The following KCNMA1 variants were observed in gnomAD, a reference collection of about 807,000 sequenced individuals.
The protein encoded by KCNMA1 is Calcium-activated potassium channel subunit alpha-1.
In KCNMA1, 29 loss-of-function variants were observed where a neutral mutation model predicts 140.0. The ratio of observed to expected loss-of-function variants is 0.21; its 90% confidence interval spans 0.15 to 0.28. The LOEUF is 0.28. KCNMA1 is among the 10% of genes least tolerant of loss of function. The pLI is 1.00. For synonymous variants in KCNMA1, 612 were observed against 611.9 expected (o/e 1.00, Z 0.00); for missense variants, 880 against 1,602.2 (o/e 0.55, Z 7.70).
chr10:77,003,318 TAAAAAATA>T (rs2087143125), intron 18 of KCNMA1, among the ~76,000 whole-genome samples: 1 of 149,976 alleles, frequency 6.7e-6, no homozygotes, highest in Non-Finnish European at 1.5e-5. Flanking sequence ...CAAAAAAAAA[TAAAAAATA>T]AAAAAGTTCC....
At chr10:77,049,100 A>AG (rs2095255054) in intron 14 of KCNMA1, among the ~76,000 whole-genome samples, 1 of 152,206 alleles carries the variant, frequency 6.6e-6, no homozygotes, top group African/African-American at 2.4e-5. Context: ...CTTTATTTCA[A>AG]GGAGCAGCTT....
intron 1 of KCNMA1, among the ~76,000 whole-genome samples, chr10:77,576,239 G>A (rs2074038181): frequency 6.6e-6 from 1 of 152,166 alleles, no homozygotes; most frequent in South Asian, 2.1e-4. Flanking sequence ...CAGGTCTAGG[G>A]CCAGGCAACT....
chr10:77,190,545 C>T (rs993147597), intron 3 of KCNMA1, among the ~76,000 whole-genome samples: 2 of 152,122 alleles, frequency 1.3e-5, no homozygotes, highest in Admixed American at 6.5e-5. Context: ...TACAGAGCCT[C>T]GCCTGGGGCT....
At chr10:77,344,483 T>C (rs750610764) in intron 2 of KCNMA1, among the ~76,000 whole-genome samples, 10 of 152,204 alleles carry the variant, frequency 6.6e-5, no homozygotes, top group Non-Finnish European at 1.3e-4. Flanking sequence ...AATAATTATC[T>C]TGAAGCTTAT....
chr10:77,116,886 A>C (rs1332159683), intron 6 of KCNMA1, among the ~76,000 whole-genome samples: 1 of 152,144 alleles, frequency 6.6e-6, no homozygotes, highest in Non-Finnish European at 1.5e-5. Flanking sequence ...TCCTCTCCTG[A>C]TTAAAATCCT....
chr10:77,216,577 C>G (rs1362396842), intron 3 of KCNMA1, among the ~76,000 whole-genome samples: 4 of 151,888 alleles, frequency 2.6e-5, no homozygotes, highest in Admixed American at 2.6e-4. Context: ...TGAGACACTT[C>G]CTGATTTTGG....
chr10:77,436,071 C>G (rs1031729540), intron 1 of KCNMA1, among the ~76,000 whole-genome samples: 1 of 152,194 alleles, frequency 6.6e-6, no homozygotes, highest in African/African-American at 2.4e-5. Context: ...AGGCCCTGCA[C>G]GTAGAGAACG....
intron 19 of KCNMA1, among the ~76,000 whole-genome samples, chr10:76,993,040 A>G (rs970016221): frequency 2.0e-5 from 3 of 152,216 alleles, no homozygotes; most frequent in Non-Finnish European, 4.4e-5. Flanking sequence ...AATAATTCCC[A>G]TGAGCTCTAA....
intron 1 of KCNMA1, among the ~76,000 whole-genome samples, chr10:77,476,818 T>G (rs1188578914): frequency 6.6e-6 from 1 of 152,178 alleles, no homozygotes; most frequent in Non-Finnish European, 1.5e-5. Flanking sequence ...CATGAATGAA[T>G]GAATGAATGG....
intron 17 of KCNMA1, among the ~76,000 whole-genome samples, chr10:77,017,651 G>A (rs576733424): frequency 1.5e-4 from 23 of 152,286 alleles, no homozygotes; most frequent in African/African-American, 5.3e-4. Flanking sequence ...TTGCTAGAGT[G>A]GATGGGGAGG....
chr10:77,026,905 C>A (rs1385788634), intron 16 of KCNMA1, among the ~76,000 whole-genome samples: 1 of 152,146 alleles, frequency 6.6e-6, no homozygotes, highest in East Asian at 1.9e-4. Flanking sequence ...CTAGTCTTCC[C>A]CTGTACTCTG....
At chr10:76,924,984 G>A (rs1286925318) in intron 23 of KCNMA1, among the ~76,000 whole-genome samples, 1 of 152,080 alleles carries the variant, frequency 6.6e-6, no homozygotes, top group Admixed American at 6.5e-5. Flanking sequence ...CAGAAACGCT[G>A]TTCCCCCTCT....
At chr10:77,615,679 G>T (rs1290355808) in intron 1 of KCNMA1, among the ~76,000 whole-genome samples, 6 of 152,030 alleles carry the variant, frequency 3.9e-5, no homozygotes, top group Non-Finnish European at 7.4e-5. Flanking sequence ...AGTGGTATAG[G>T]GGTGTGCCGT....
intron 19 of KCNMA1, among the ~76,000 whole-genome samples, chr10:77,000,869 T>A (rs1170556934): frequency 0.58 from 45,920 of 79,758 alleles, 13,051 homozygotes; most frequent in Middle Eastern, 0.67. Context: ...TATATATATA[T>A]ATATATATAT....
intron 2 of KCNMA1, among the ~76,000 whole-genome samples, chr10:77,382,453 C>A (rs993407272): frequency 6.6e-6 from 1 of 152,194 alleles, no homozygotes; most frequent in African/African-American, 2.4e-5. Flanking sequence ...CCCCTATCAG[C>A]ATCGCTGTCC....
At chr10:77,604,777 C>T (rs1002662189) in intron 1 of KCNMA1, among the ~76,000 whole-genome samples, 12 of 152,082 alleles carry the variant, frequency 7.9e-5, no homozygotes, top group Non-Finnish European at 2.9e-5. Flanking sequence ...GGCTATCATT[C>T]CTTCCTAAAG....
At chr10:77,035,435 C>T (rs912774855) in intron 15 of KCNMA1, among the ~76,000 whole-genome samples, 6 of 152,164 alleles carry the variant, frequency 3.9e-5, no homozygotes, top group Non-Finnish European at 5.9e-5. Flanking sequence ...ATCTCTCTGA[C>T]GATGGGTACT....
At chr10:76,919,690 C>T (rs1259316829) in intron 23 of KCNMA1, among the ~76,000 whole-genome samples, 1 of 152,126 alleles carries the variant, frequency 6.6e-6, no homozygotes, top group Non-Finnish European at 1.5e-5. Flanking sequence ...ATTGTGCAGA[C>T]TCTCTCCTAG....
Position 77,006,564 on chromosome 10 carries a change from T to C in KCNMA1, c.2093-4984A>G, listed in dbSNP as rs528390599. 1.5e-4 allele frequency among the ~76,000 whole-genome samples: 23 copies of C among 152,362 alleles called. No individual in the cohort carries two copies. In the South Asian group the frequency reaches 4.8e-3, roughly 32 times the overall value. ...TGATGTCTTCACTTAGCAAAATTCC[T>C]CCCATTACCTTCTGGAGTAAGAAGA... On this transcript the variant is annotated intron_variant, in intron 18 of 27. Coordinates refer to ENST00000286628, the MANE Select transcript of KCNMA1 (RefSeq NM_001161352.2).
Sources: allele counts gnomAD v4.1 joint callset (sites outside exome capture counted in the v4.1 genomes callset), GRCh38; gene constraint gnomAD v4.1.1; transcripts MANE v1.5; gene names NCBI Gene and HGNC (gene_info 2026-07-23, HGNC 2026-07-21).